DEFB118: variants seen among roughly 807,000 people sequenced by gnomAD.
The protein encoded by DEFB118 is defensin beta 118, also known as defensin, beta 18.
In DEFB118, 3 loss-of-function variants were observed where a neutral mutation model predicts 2.8. That is an observed-to-expected ratio of 1.09 (90% CI 0.50 to 2.82). The LOEUF (loss-of-function observed/expected upper bound fraction) is 2.82. DEFB118 is among the 30% of genes most tolerant of loss of function. The probability of loss-of-function intolerance (pLI) is 0.04; values close to 1 mark genes in which losing one functional copy is unlikely to be tolerated. For missense variants in DEFB118, 159 were observed against 144.6 expected, an observed-to-expected ratio of 1.10 and a Z score of -0.51; for synonymous variants, 63 against 53.5, an observed-to-expected ratio of 1.18 and a Z score of -0.78.
chr20:31,368,827 T>A (rs1736009594), intron 1 of DEFB118, 119 bp downstream of exon 1: 2 of 944,642 alleles, frequency 2.1e-6, no homozygotes, highest in Non-Finnish European at 3.3e-6. Context: ...ACACTGGGAC[T>A]ATGCTCCTGG....
intron 1 of DEFB118, among the ~76,000 whole-genome samples, chr20:31,371,289 C>T (rs1218381054): frequency 6.6e-6 from 1 of 152,000 alleles, no homozygotes; most frequent in African/African-American, 2.4e-5. Context: ...CTCTCTCTTC[C>T]TTCTCAAACC....
intron 1 of DEFB118, among the ~76,000 whole-genome samples, chr20:31,369,356 C>A (rs1449552554): frequency 6.7e-6 from 1 of 150,040 alleles, no homozygotes. Context: ...AGTAAGCACA[C>A]TCCCTGCATG....
At chr20:31,372,737 T>A in intron 1 of DEFB118, 120 bp from the exon 2 acceptor site, 2 of 762,804 alleles carry the variant, frequency 2.6e-6, no homozygotes, top group Non-Finnish European at 4.2e-6. Context: ...GTGGGAGTCT[T>A]GCAGCTGTCA....
Position 31,368,918 on chromosome 20 carries a change from A to G in DEFB118, c.58+210A>G, listed in dbSNP as rs941369433. 5.3e-5 allele frequency among the ~76,000 whole-genome samples: 8 copies of G among 152,276 alleles called. No homozygotes were observed. In the South Asian group the frequency reaches 1.5e-3, roughly 28 times the overall value. Reference sequence around the variant, plus strand: ...ACCATCCAGAGTTGTCCTTGGTTCTATATTCCAAGTTGCCGCCTAAGAAAC... The same window carrying G: ...ACCATCCAGAGTTGTCCTTGGTTCTGTATTCCAAGTTGCCGCCTAAGAAAC... On this transcript the variant is annotated intron_variant, in intron 1 of 1. Transcript: ENST00000253381.
chr20:31,373,210 T>C lies in DEFB118; in HGVS notation c.*40T>C, dbSNP rs1423302163. 1 of 1,577,880 alleles carries C rather than the reference T, an allele frequency of 6.3e-7. No homozygotes were observed. The highest frequency in any genetic ancestry group is 1.1e-5 in the South Asian group (1 of 87,010). On this transcript the variant is annotated 3_prime_UTR_variant, in exon 2 of 2. Transcript: ENST00000253381. ...TCACTCACCCCTGTCCTCAGAGTGA[T>C]AAACTAAGTCACATACAGATAAAGC... is the stretch of plus-strand genomic sequence containing the variant.
Position 31,372,861 on chromosome 20 carries a change from T to C in DEFB118, c.63T>C (p.Tyr21=). 1.2e-6 allele frequency: 2 copies of C among 1,613,374 alleles called. No individual in the cohort carries two copies. Among genetic ancestry groups the C allele is most frequent in the Non-Finnish European group, 1.7e-6 (2 of 1,179,616 alleles). Residue 21 remains tyrosine (Y), a synonymous_variant, in exon 2 of 2, where the codon TAT becomes TAC. Transcript: ENST00000253381. The part of the protein sequence containing the change: ...LVLLPQVIPA[Y]SGEKKCWNRS... The stretch of plus-strand genomic sequence containing the variant: ...GTCTTTCCTTTTATTATTCAGCCTA[T>C]AGTGGTGAAAAAAAATGCTGGAACA...
Position 31,373,319 on chromosome 20 carries a change from T to C in DEFB118, c.*149T>C. On this transcript the variant is annotated 3_prime_UTR_variant, in exon 2 of 2. Transcript: ENST00000253381. ...AACAGCTGTGTAAAGAAGTCTAAAA[T>C]TTTCACTATTTCCAATGATAAACTC... 1.5e-6 allele frequency: 1 copy of C among 667,246 alleles called. No individual in the cohort carries two copies. The highest frequency in any genetic ancestry group is 2.5e-6 in the Non-Finnish European group (1 of 403,468). The allele number at this position is 667,246 out of a possible 1,614,324, so 41.3% of individuals were successfully genotyped here.
Position 31,372,911 on chromosome 20 carries a change from G to A in DEFB118, c.113G>A (p.Cys38Tyr). ...AGATCAGGGCACTGCAGGAAACAAT[G>A]CAAAGATGGAGAAGCAGTGAAAGAT... ...WNRSGHCRKQ[C>Y]KDGEAVKDTC... Residue 38 changes from cysteine to tyrosine, a missense_variant, in exon 2 of 2, where the codon TGC becomes TAC. Physicochemically the swap from Cys to Tyr is radical, Grantham distance 194. Transcript: ENST00000253381. 1 of 1,614,172 alleles carries A rather than the reference G, an allele frequency of 6.2e-7. No individual in the cohort carries two copies. The highest frequency in any genetic ancestry group is 8.5e-7 in the Non-Finnish European group (1 of 1,180,028).
At position 31,373,900 on chromosome 20, in the gene DEFB118, C is replaced by CAAAAAAA. The variant is rs60446679; in HGVS notation, c.*747_*753dup. 4.6e-5 allele frequency: 3 copies of CAAAAAAA among 64,590 alleles called. No individual in the cohort carries two copies. The highest frequency in any genetic ancestry group is 5.1e-4 in the East Asian group (1 of 1,958). The allele number at this position is 64,590 out of a possible 1,614,324, so 4.0% of individuals were successfully genotyped here. On this transcript the variant is annotated 3_prime_UTR_variant, in exon 2 of 2. Transcript: ENST00000253381. The stretch of plus-strand genomic sequence containing the variant: ...AGCTTTATTTGTCTCCCTCTGATAG[C>CAAAAAAA]AAAAAAAAAAAAAAAAAAAAAAATC...
Position 31,372,859 on chromosome 20 carries a change from T to C in DEFB118, c.61T>C (p.Tyr21His). Residue 21 changes from tyrosine to histidine, a missense_variant and splice_region_variant, in exon 2 of 2, where the codon TAT becomes CAT. Tyr to His is a moderately conservative substitution (Grantham distance 83, BLOSUM62 2). Coordinates refer to ENST00000253381, the MANE Select transcript of DEFB118 (RefSeq NM_054112.3). ...TGGTCTTTCCTTTTATTATTCAGCC[T>C]ATAGTGGTGAAAAAAAATGCTGGAA... Reference protein sequence around the residue: ...LVLLPQVIPAYSGEKKCWNRS... With the variant: ...LVLLPQVIPAHSGEKKCWNRS... 1 of 1,613,314 alleles carries C rather than the reference T, an allele frequency of 6.2e-7. No individual in the cohort carries two copies. The highest frequency in any genetic ancestry group is 2.2e-5 in the East Asian group (1 of 44,852).
chr20:31,373,130 G>A lies in DEFB118; in HGVS notation c.332G>A (p.Gly111Glu). Reference sequence around the variant, plus strand: ...GTTGAAGAGTCTGAGGCGGGAAGGGGAACTGAGACCTCTCTTCCAAATGTT... The same window carrying A: ...GTTGAAGAGTCTGAGGCGGGAAGGGAAACTGAGACCTCTCTTCCAAATGTT... ...DMVEESEAGR[G>E]TETSLPNVHH... The change falls in exon 2 of 2, where the codon GGA becomes GAA. Residue 111 changes from glycine to glutamate, a missense_variant. Transcript: ENST00000253381. The A allele has an allele frequency of 6.2e-7, 1 of 1,613,960 alleles. No homozygotes were observed. The highest frequency in any genetic ancestry group is 1.1e-5 in the South Asian group (1 of 91,074).
chr20:31,371,844 C>T (rs1276671773), intron 1 of DEFB118, among the ~76,000 whole-genome samples: 1 of 151,894 alleles, frequency 6.6e-6, no homozygotes, highest in Non-Finnish European at 1.5e-5. Context: ...CCTCCTCTTA[C>T]TCTTCCCCCT....
chr20:31,372,529 C>T (rs1323138982), intron 1 of DEFB118, among the ~76,000 whole-genome samples: 1 of 152,098 alleles, frequency 6.6e-6, no homozygotes, highest in Admixed American at 6.5e-5. Context: ...AGCCTGGTGA[C>T]AGAGTGAGAC....
In DEFB118 at chr20:31,373,045, G is replaced by A. The variant is rs774985819; in HGVS notation, c.247G>A (p.Asp83Asn). 6.2e-7 allele frequency: 1 copy of A among 1,614,162 alleles called. No individual in the cohort carries two copies. The highest frequency in any genetic ancestry group is 8.5e-7 in the Non-Finnish European group (1 of 1,180,020). ...LSDSTPGIID[D>N]ILTVRFTTDY... ...TGACTCAACACCAGGAATTATTGAT[G>A]ATATTTTAACAGTAAGGTTCACGAC... The change falls in exon 2 of 2, where the codon GAT (aspartate) becomes AAT (asparagine). Residue 83 changes from aspartate (D) to asparagine (N), a missense_variant. Asp to Asn is a conservative substitution (Grantham distance 23, BLOSUM62 1). Transcript: ENST00000253381.
At chr20:31,370,895 C>T (rs1019311104) in intron 1 of DEFB118, among the ~76,000 whole-genome samples, 8 of 151,966 alleles carry the variant, frequency 5.3e-5, no homozygotes, top group Non-Finnish European at 1.2e-4. Context: ...GAATTACAGG[C>T]ACGCACAACC....
chr20:31,372,367 T>G (rs1174515008), intron 1 of DEFB118, among the ~76,000 whole-genome samples: 1 of 152,066 alleles, frequency 6.6e-6, no homozygotes, highest in Admixed American at 6.5e-5. Context: ...CTGACCAACA[T>G]GATGAAACCC....
intron 1 of DEFB118, among the ~76,000 whole-genome samples, chr20:31,369,469 A>G (rs1288201650): frequency 7.0e-6 from 1 of 143,140 alleles, no homozygotes; most frequent in Non-Finnish European, 1.5e-5. Context: ...AGCTCACTGC[A>G]ACCTCTGCCT....
At position 31,371,643 on chromosome 20, in the gene DEFB118, G is replaced by A. The variant is rs543794498; in HGVS notation, c.59-1214G>A. ...GCGCCACCACGCCTGGCTAATTTTT[G>A]TATTTTTGGACATATGCTTATTTTA... On this transcript the variant is annotated intron_variant, in intron 1 of 1. Coordinates refer to ENST00000253381, the MANE Select transcript of DEFB118 (RefSeq NM_054112.3). Among the ~76,000 whole-genome samples the A allele has an allele frequency of 2.3e-4, 35 of 151,630 alleles. 1 individual carries two copies. The highest frequency in any genetic ancestry group is 2.0e-3 in the Admixed American group (30 of 15,212).
intron 1 of DEFB118, among the ~76,000 whole-genome samples, chr20:31,369,393 T>TG (rs1555824425): frequency 1.4e-5 from 2 of 145,728 alleles, no homozygotes; most frequent in Non-Finnish European, 3.0e-5. Context: ...GTGTTTTTTT[T>TG]TTTTTTTTTT....
Sources: gnomAD v4.1 joint callset for allele counts (sites outside exome capture counted in the v4.1 genomes callset) on GRCh38, gnomAD v4.1.1 for gene constraint, MANE v1.5 for transcripts, NCBI Gene and HGNC (gene_info 2026-07-23, HGNC 2026-07-21) for gene names.